The following KCNG2 variants were observed in gnomAD, a reference collection of about 807,000 sequenced individuals.
KCNG2 encodes potassium voltage-gated channel modifier subfamily G member 2.
KCNG2 carries 7 observed loss-of-function variants against 12.3 expected under a neutral mutation model. The observed-to-expected ratio is 0.57, with a 90% CI of 0.32 to 1.07. The LOEUF is 1.07. Among genes scored for constraint, KCNG2 ranks in the 50% least tolerant of loss-of-function variants. The pLI, the probability that KCNG2 is intolerant of heterozygous loss-of-function variation, is 0.04. For missense variants in KCNG2, 703 were observed against 726.0 expected (o/e 0.97, Z 0.36); for synonymous variants, 414 against 351.4 (o/e 1.18, Z -1.99).
At chr18:79,854,506 T>C (rs1391036759) in intron 1 of KCNG2, among the ~76,000 whole-genome samples, 1 of 151,334 alleles carries the variant, frequency 6.6e-6, no homozygotes, top group Non-Finnish European at 1.5e-5. Context: ...AAAATCCAAG[T>C]CTTTATACAT....
At chr18:79,882,840 TGCGCGTGGAGCGCGGAGGCCGGGTACAC>T (rs1980363346) in intron 3 of KCNG2, among the ~76,000 whole-genome samples, 1 of 150,880 alleles carries the variant, frequency 6.6e-6, no homozygotes, top group African/African-American at 2.5e-5. Flanking sequence ...CGGGTACACC[TGCGCGTGGAGCGCGGAGGCCGGGTACAC>T]CTGCGCGTGG....
Position 79,837,598 on chromosome 18 carries a change from C to G in KCNG2, c.-114-18781C>G, listed in dbSNP as rs552125690. 4.6e-5 allele frequency among the ~76,000 whole-genome samples: 7 copies of G among 152,344 alleles called. No homozygotes were observed. In the South Asian group the frequency reaches 6.2e-4, roughly 14 times the overall value. ...GGCAGGGGCAAAATGCCACTAGTCT[C>G]TTTGTGAAAGTATAGCAAGAATGAC... On this transcript the variant is annotated intron_variant, in intron 1 of 3. Coordinates refer to ENST00000316249, the MANE Select transcript of KCNG2 (RefSeq NM_012283.2).
chr18:79,823,516 C>T (rs527680749), intron 1 of KCNG2, among the ~76,000 whole-genome samples: 210 of 152,270 alleles, frequency 1.4e-3, no homozygotes, highest in African/African-American at 4.7e-3. Context: ...GAAATGGTAT[C>T]TCAGTATTGT....
chr18:79,798,526 G>T (rs1338714255), intron 1 of KCNG2, among the ~76,000 whole-genome samples: 1 of 152,332 alleles, frequency 6.6e-6, no homozygotes, highest in Admixed American at 6.5e-5. Flanking sequence ...GGCGCGCTGC[G>T]CCTTTCCCGG....
At chr18:79,837,492 C>T (rs755944514) in intron 1 of KCNG2, among the ~76,000 whole-genome samples, 1 of 152,260 alleles carries the variant, frequency 6.6e-6, no homozygotes, top group South Asian at 2.1e-4. Flanking sequence ...TCCAACCCCA[C>T]ATTTCCCCTC....
Position 79,899,362 on chromosome 18 carries a change from G to A in KCNG2, c.947G>A (p.Arg316His), listed in dbSNP as rs1981109625. Residue 316 changes from arginine (R) to histidine (H), a missense_variant, in exon 4 of 4, where the codon CGC (arginine) becomes CAC (histidine). Arg to His is a conservative substitution (Grantham distance 29). Transcript: ENST00000316249. ...CTGCGTTCGCTGGGCCTGACCATGC[G>A]CCGCTGCGCGCGCGAGTTCGGGCTG... ...LGLRSLGLTM[R>H]RCAREFGLLL... 2 of 1,553,140 alleles carry A rather than the reference G, an allele frequency of 1.3e-6. No homozygotes were observed. Among genetic ancestry groups the A allele is most frequent in the African/African-American group, 1.4e-5 (1 of 72,408 alleles).
intron 3 of KCNG2, among the ~76,000 whole-genome samples, chr18:79,892,126 A>C (rs1048680793): frequency 6.7e-6 from 1 of 149,400 alleles, no homozygotes; most frequent in African/African-American, 2.4e-5. Context: ...AAAAAAAAAA[A>C]AAAAACAACA....
chr18:79,818,057 A>G (rs2087543068), intron 1 of KCNG2, among the ~76,000 whole-genome samples: 1 of 152,154 alleles, frequency 6.6e-6, no homozygotes, highest in African/African-American at 2.4e-5. Flanking sequence ...CCCAGGACAG[A>G]CGGCCAAGGC....
Position 79,863,692 on chromosome 18 carries a change from G to C in KCNG2, c.25G>C (p.Gly9Arg), listed in dbSNP as rs1376271301. Residue 9 changes from glycine (G) to arginine (R), a missense_variant, in exon 3 of 4, where the codon GGC becomes CGC. By Grantham distance (125) the Gly-to-Arg change is moderately radical (BLOSUM62 -2). Transcript: ENST00000316249. The part of the protein sequence containing the change: MEPWPCSP[G>R]GGGGTRARHV... ...CATGGAGCCATGGCCCTGCTCCCCG[G>C]GCGGCGGCGGCGGGACCCGCGCCCG... 2.9e-6 allele frequency: 3 copies of C among 1,031,116 alleles called. No individual in the cohort carries two copies. Among genetic ancestry groups the C allele is most frequent in the Non-Finnish European group, 3.5e-6 (3 of 845,982 alleles). 63.9% of individuals were successfully genotyped at this position (1,031,116 alleles called of 1,614,324 possible). A position where few individuals can be genotyped will look rare whatever the true frequency, so the allele number is the denominator to read the frequency against.
chr18:79,845,177 G>T (rs181778697), intron 1 of KCNG2, among the ~76,000 whole-genome samples: 1 of 152,216 alleles, frequency 6.6e-6, no homozygotes, highest in African/African-American at 2.4e-5. Flanking sequence ...AAAAGGTTAC[G>T]TAGGGTGTGG....
At chr18:79,839,287 C>G (rs1295543134) in intron 1 of KCNG2, among the ~76,000 whole-genome samples, 1 of 152,164 alleles carries the variant, frequency 6.6e-6, no homozygotes, top group Non-Finnish European at 1.5e-5. Flanking sequence ...GTGCAAGACC[C>G]TGACTCTAAA....
intron 3 of KCNG2, among the ~76,000 whole-genome samples, chr18:79,897,710 C>G (rs558441947): frequency 3.9e-5 from 6 of 152,074 alleles, no homozygotes; most frequent in African/African-American, 1.4e-4. Flanking sequence ...TTTTGGTAGT[C>G]CCCATCCTGG....
chr18:79,880,049 C>T (rs370550203), intron 3 of KCNG2, among the ~76,000 whole-genome samples: 14 of 152,202 alleles, frequency 9.2e-5, no homozygotes, highest in Admixed American at 3.9e-4. Context: ...ACACTGTGAA[C>T]GCGCATGAGT....
At chr18:79,844,122 T>C (rs1978546960) in intron 1 of KCNG2, among the ~76,000 whole-genome samples, 1 of 152,150 alleles carries the variant, frequency 6.6e-6, no homozygotes, top group Admixed American at 6.5e-5. Flanking sequence ...CTCATGATCA[T>C]TGTAGCATCA....
chr18:79,893,425 T>C (rs1158581980), intron 3 of KCNG2, among the ~76,000 whole-genome samples: 5 of 151,492 alleles, frequency 3.3e-5, no homozygotes, highest in Non-Finnish European at 7.4e-5. Context: ...GTTGGGTCTG[T>C]GTCTGCTTTT....
chr18:79,879,836 T>C (rs1464332591), intron 3 of KCNG2, among the ~76,000 whole-genome samples: 2 of 151,980 alleles, frequency 1.3e-5, no homozygotes, highest in Non-Finnish European at 2.9e-5. Context: ...AAGAATATTC[T>C]AAAAGCTTCC....
rs1371536978 is a variant in KCNG2 at position 79,798,032 on chromosome 18, GT to G, written c.-115+19del. Among the ~76,000 whole-genome samples the G allele has an allele frequency of 4.7e-5, 7 of 150,432 alleles. No individual in the cohort carries two copies. The highest frequency in any genetic ancestry group is 8.9e-5 in the Non-Finnish European group (6 of 67,150). On this transcript the variant is annotated intron_variant, in intron 1 of 3. Transcript: ENST00000316249. ...GACCGCAGGTAAAGTTGAGCGCGCC[GT>G]GGGGCCGGGGGTGGGGGGTCCGCGG... is the stretch of plus-strand genomic sequence containing the variant.
At chr18:79,845,333 C>G (rs979269687) in intron 1 of KCNG2, among the ~76,000 whole-genome samples, 5 of 152,142 alleles carry the variant, frequency 3.3e-5, no homozygotes, top group African/African-American at 1.2e-4. Context: ...GAGGAGAGCT[C>G]TGTGTCTGGA....
At chr18:79,826,156 G>A (rs1978285651) in intron 1 of KCNG2, among the ~76,000 whole-genome samples, 1 of 152,272 alleles carries the variant, frequency 6.6e-6, no homozygotes, top group Non-Finnish European at 1.5e-5. Context: ...CCGTTGGCAA[G>A]GCCAGGAACC....
Sources: gnomAD v4.1 joint callset for allele counts (sites outside exome capture counted in the v4.1 genomes callset) on GRCh38, gnomAD v4.1.1 for gene constraint, MANE v1.5 for transcripts, NCBI Gene and HGNC (gene_info 2026-07-23, HGNC 2026-07-21) for gene names.